Variants in PPFIA2 observed in about 807,000 individuals in gnomAD.
The protein encoded by PPFIA2 is PPFI scaffold protein A2.
In PPFIA2, 46 loss-of-function variants were observed where a neutral mutation model predicts 175.5. The observed-to-expected ratio is 0.26, with a 90% CI of 0.21 to 0.34. PPFIA2 has a LOEUF of 0.34. PPFIA2 is among the 10% of genes least tolerant of loss of function. PPFIA2 has a pLI of 1.00. For missense variants in PPFIA2, 1,179 were observed against 1,506.1 expected, an observed-to-expected ratio of 0.78 and a Z score of 3.60; for synonymous variants, 568 against 511.4, an observed-to-expected ratio of 1.11 and a Z score of -1.49.
chr12:81,490,419 G>T (rs2059303144), intron 4 of PPFIA2, among the ~76,000 whole-genome samples: 1 of 151,858 alleles, frequency 6.6e-6, no homozygotes, highest in Admixed American at 6.6e-5. Flanking sequence ...CCTTGGTAGT[G>T]TCTCTCACCA....
chr12:81,708,780 C>A (rs78856332), intron 3 of PPFIA2, among the ~76,000 whole-genome samples: 7 of 152,174 alleles, frequency 4.6e-5, no homozygotes, highest in African/African-American at 1.4e-4. Context: ...AATCACTGGG[C>A]CCTTAATGGA....
chr12:81,306,364 A>G (rs766247161), intron 22 of PPFIA2, among the ~76,000 whole-genome samples: 1 of 152,142 alleles, frequency 6.6e-6, no homozygotes, highest in Non-Finnish European at 1.5e-5. Flanking sequence ...TTTTGCTGTG[A>G]TTCAGTTTCC....
intron 20 of PPFIA2, 32 bp downstream of exon 20, chr12:81,341,046 A>C: frequency 6.4e-7 from 1 of 1,562,084 alleles, no homozygotes; most frequent in Non-Finnish European, 8.7e-7. Flanking sequence ...GAAGGAGGGC[A>C]TTCAGTGTGC....
At chr12:81,725,046 T>C (rs1237731573) in intron 3 of PPFIA2, among the ~76,000 whole-genome samples, 2 of 151,104 alleles carry the variant, frequency 1.3e-5, no homozygotes, top group Admixed American at 6.6e-5. Context: ...TGGTATCTCA[T>C]TGTGATTTTA....
At chr12:81,522,094 C>T (rs910956913) in intron 4 of PPFIA2, among the ~76,000 whole-genome samples, 1 of 152,068 alleles carries the variant, frequency 6.6e-6, no homozygotes, top group Admixed American at 6.6e-5. Flanking sequence ...AGTATTAAAT[C>T]TATAGATGTG....
rs1329473979 is a variant in PPFIA2 at position 81,747,650 on chromosome 12, A to G, written c.249+6323T>C. ...ATATTCCAACTCATTTGTTCCTCAT[A>G]ACGATCTTATGAGGCAGTTTCTATT... On this transcript the variant is annotated intron_variant, in intron 3 of 32. Coordinates refer to ENST00000549396, the MANE Select transcript of PPFIA2 (RefSeq NM_003625.5). Among the ~76,000 whole-genome samples the G allele has an allele frequency of 1.4e-5, 2 of 143,042 alleles. 1 individual carries two copies. Among genetic ancestry groups the G allele is most frequent in the Admixed American group, 1.5e-4 (2 of 13,546 alleles). The allele number at this position is 143,042 out of a possible 152,430, so 93.8% of individuals were successfully genotyped here. A position where few individuals can be genotyped will look rare whatever the true frequency, so the allele number is the denominator to read the frequency against.
chr12:81,637,633 A>G (rs1179402717), intron 4 of PPFIA2, among the ~76,000 whole-genome samples: 1 of 152,142 alleles, frequency 6.6e-6, no homozygotes, highest in Non-Finnish European at 1.5e-5. Flanking sequence ...TTCTAAGGGT[A>G]GGAATCAAGC....
chr12:81,663,140 T>G (rs777904127), intron 4 of PPFIA2, among the ~76,000 whole-genome samples: 5 of 151,578 alleles, frequency 3.3e-5, no homozygotes, highest in Admixed American at 6.6e-5. Flanking sequence ...AGACAGGGAG[T>G]CCCTCTCTCG....
chr12:81,349,644 C>G (rs916665494), intron 17 of PPFIA2, among the ~76,000 whole-genome samples: 1 of 151,262 alleles, frequency 6.6e-6, no homozygotes, highest in Admixed American at 6.6e-5. Flanking sequence ...AAATTTTTTT[C>G]TGGTGAGATG....
At position 81,638,839 on chromosome 12, in the gene PPFIA2, C is replaced by T. The variant is rs551488168; in HGVS notation, c.303+37952G>A. On this transcript the variant is annotated intron_variant, in intron 4 of 32. Transcript: ENST00000549396. Reference sequence around the variant, plus strand: ...AGTAGCTGGGACTACAGGCGCCCGCCACTACGCCCGGCTAATTTTTTGTAT... The same window carrying T: ...AGTAGCTGGGACTACAGGCGCCCGCTACTACGCCCGGCTAATTTTTTGTAT... 2.4e-4 allele frequency among the ~76,000 whole-genome samples: 36 copies of T among 150,522 alleles called. No individual in the cohort carries two copies. In the East Asian group the frequency reaches 6.4e-3, roughly 27 times the overall value.
intron 9 of PPFIA2, 104 bp from the exon 10 acceptor site, chr12:81,376,046 G>A: frequency 9.6e-7 from 1 of 1,039,452 alleles, no homozygotes; most frequent in Non-Finnish European, 1.4e-6. Context: ...TTGCATTCTT[G>A]AAGTAAATAC....
chr12:81,497,791 T>TGCCTCC (rs1443526999), intron 4 of PPFIA2, among the ~76,000 whole-genome samples: 1 of 152,056 alleles, frequency 6.6e-6, no homozygotes, highest in Non-Finnish European at 1.5e-5. Flanking sequence ...TGCCTGCCTC[T>TGCCTCC]GCCTCCCAAA....
intron 4 of PPFIA2, among the ~76,000 whole-genome samples, chr12:81,565,595 G>A (rs2071121670): frequency 6.6e-6 from 1 of 152,096 alleles, no homozygotes; most frequent in Admixed American, 6.6e-5. Context: ...ATTTACAATA[G>A]CCTGAGAAAA....
chr12:81,585,994 C>T (rs2075256981), intron 4 of PPFIA2, among the ~76,000 whole-genome samples: 1 of 151,838 alleles, frequency 6.6e-6, no homozygotes, highest in East Asian at 1.9e-4. Flanking sequence ...TATGATGTCA[C>T]TTTGTGATAG....
At chr12:81,574,870 G>T (rs901199466) in intron 4 of PPFIA2, among the ~76,000 whole-genome samples, 2 of 151,848 alleles carry the variant, frequency 1.3e-5, no homozygotes, top group East Asian at 1.9e-4. Flanking sequence ...GTTACCAAGG[G>T]TTAGATAACA....
At chr12:81,371,612 GA>G (rs201137143) in intron 11 of PPFIA2, among the ~76,000 whole-genome samples, 4 of 150,126 alleles carry the variant, frequency 2.7e-5, no homozygotes, top group African/African-American at 4.9e-5. Flanking sequence ...TCCCTTCAGA[GA>G]AAAAAAAAGA....
chr12:81,636,230 C>T (rs1362468470), intron 4 of PPFIA2, among the ~76,000 whole-genome samples: 1 of 151,286 alleles, frequency 6.6e-6, no homozygotes, highest in African/African-American at 2.4e-5. Flanking sequence ...AGTCCTCAAA[C>T]GTAAATCTGA....
chr12:81,383,916 G>T, intron 9 of PPFIA2, 107 bp downstream of exon 9: 1 of 848,674 alleles, frequency 1.2e-6, no homozygotes, highest in Non-Finnish European at 1.8e-6. Flanking sequence ...CCAAAGTATG[G>T]TCTTTTGAGA....
chr12:81,433,188 T>C (rs2048404776), intron 7 of PPFIA2, among the ~76,000 whole-genome samples: 1 of 152,128 alleles, frequency 6.6e-6, no homozygotes, highest in Non-Finnish European at 1.5e-5. Flanking sequence ...CAATGCAACA[T>C]TCCTTATTCT....
Sources: gnomAD v4.1 joint callset for allele counts (sites outside exome capture counted in the v4.1 genomes callset) on GRCh38, gnomAD v4.1.1 for gene constraint, MANE v1.5 for transcripts, NCBI Gene and HGNC (gene_info 2026-07-23, HGNC 2026-07-21) for gene names.